The following EPHA3 variants were observed in gnomAD, a reference collection of about 807,000 sequenced individuals.
EPHA3 encodes the protein EPH receptor A3, also known as ephrin type-A receptor 3.
In EPHA3, 42 loss-of-function variants were observed where a neutral mutation model predicts 107.1. That is an observed-to-expected ratio of 0.39 (90% CI 0.31 to 0.51). EPHA3 has a LOEUF of 0.51. Among genes scored for constraint, EPHA3 ranks in the 20% least tolerant of loss-of-function variants. The pLI is 0.78. For missense variants in EPHA3, 1,183 were observed against 1,211.2 expected, an observed-to-expected ratio of 0.98 and a Z score of 0.35; for synonymous variants, 461 against 424.8, an observed-to-expected ratio of 1.09 and a Z score of -1.05.
intron 13 of EPHA3, among the ~76,000 whole-genome samples, chr3:89,433,582 A>T (rs1028838867): frequency 6.6e-6 from 1 of 152,188 alleles, no homozygotes; most frequent in Non-Finnish European, 1.5e-5. Context: ...TAGTGCATTT[A>T]CTTTGTTCAT....
chr3:89,187,587 G>A (rs1019565885), intron 2 of EPHA3, among the ~76,000 whole-genome samples: 2 of 151,864 alleles, frequency 1.3e-5, no homozygotes, highest in Admixed American at 1.3e-4. Context: ...AAATGAATTT[G>A]AGCTGATGAA....
intron 13 of EPHA3, among the ~76,000 whole-genome samples, chr3:89,437,610 A>G (rs1391282370): frequency 1.3e-5 from 2 of 152,072 alleles, no homozygotes; most frequent in African/African-American, 4.8e-5. Flanking sequence ...GCTTCTATGA[A>G]ATTTTATCTT....
chr3:89,301,839 A>T (rs1706498580), intron 3 of EPHA3, among the ~76,000 whole-genome samples: 1 of 152,074 alleles, frequency 6.6e-6, no homozygotes, highest in African/African-American at 2.4e-5. Context: ...GTGTTGATAA[A>T]CTCTGTAAAA....
intron 3 of EPHA3, among the ~76,000 whole-genome samples, chr3:89,249,852 CT>C (rs1705120027): frequency 1.3e-5 from 2 of 152,152 alleles, no homozygotes. Context: ...TAATTGTTTC[CT>C]GGCCAACATG....
At chr3:89,362,718 T>G (rs942650120) in intron 5 of EPHA3, among the ~76,000 whole-genome samples, 1 of 150,962 alleles carries the variant, frequency 6.6e-6, no homozygotes, top group African/African-American at 2.4e-5. Context: ...GATGGCAGGA[T>G]GTGTACAACA....
At chr3:89,468,711 T>C (rs1325681894) in intron 15 of EPHA3, among the ~76,000 whole-genome samples, 1 of 152,180 alleles carries the variant, frequency 6.6e-6, no homozygotes, top group East Asian at 1.9e-4. Context: ...TTTAATGCTA[T>C]TCTTATCAAT....
intron 5 of EPHA3, among the ~76,000 whole-genome samples, chr3:89,354,672 T>C (rs1338474992): frequency 6.6e-6 from 1 of 151,208 alleles, no homozygotes; most frequent in Non-Finnish European, 1.5e-5. Flanking sequence ...TTTCTGCTCC[T>C]TTTTATTATT....
chr3:89,471,459 C>T (rs539090701), intron 15 of EPHA3, among the ~76,000 whole-genome samples: 131 of 152,280 alleles, frequency 8.6e-4, no homozygotes, highest in Admixed American at 3.7e-3. Flanking sequence ...ACCTTCGCCT[C>T]CCAGGTTCAA....
chr3:89,331,876 A>G (rs1707296839), intron 3 of EPHA3, among the ~76,000 whole-genome samples: 2 of 152,122 alleles, frequency 1.3e-5, no homozygotes, highest in African/African-American at 4.8e-5. Flanking sequence ...GAGTTTTCCT[A>G]TACATTCCAA....
chr3:89,352,902 C>CAAAAAAAAAAAAAAAAAAAAAAGAAA (rs1215369952), intron 5 of EPHA3, among the ~76,000 whole-genome samples: 1 of 41,030 alleles, frequency 2.4e-5, no homozygotes, highest in Non-Finnish European at 5.1e-5. Flanking sequence ...GACTCTGTCT[C>CAAAAAAAAAAAAAAAAAAAAAAGAAA]AAAAAAAAAA....
At chr3:89,383,159 C>T (rs1708544358) in intron 5 of EPHA3, among the ~76,000 whole-genome samples, 1 of 152,162 alleles carries the variant, frequency 6.6e-6, no homozygotes, top group African/African-American at 2.4e-5. Flanking sequence ...GTGTTCTCTG[C>T]TGTTCACTTC....
chr3:89,442,053 T>A (rs1709796255), intron 13 of EPHA3, among the ~76,000 whole-genome samples: 1 of 152,056 alleles, frequency 6.6e-6, no homozygotes, highest in Admixed American at 6.6e-5. Flanking sequence ...TACTTATACC[T>A]CCATTTAATA....
At chr3:89,343,302 A>G (rs1707575518) in intron 5 of EPHA3, among the ~76,000 whole-genome samples, 2 of 152,360 alleles carry the variant, frequency 1.3e-5, no homozygotes, top group South Asian at 2.1e-4. Flanking sequence ...GCAAGTATGC[A>G]TCAATATGAC....
intron 11 of EPHA3, among the ~76,000 whole-genome samples, chr3:89,428,001 C>G (rs1709492435): frequency 6.6e-6 from 1 of 151,824 alleles, no homozygotes; most frequent in South Asian, 2.1e-4. Context: ...TAATATTACG[C>G]TGTAACAATT....
In EPHA3 at chr3:89,171,707, G is replaced by A. The variant is rs186680901; in HGVS notation, c.154-38153G>A. Among the ~76,000 whole-genome samples the A allele has an allele frequency of 1.4e-4, 21 of 152,064 alleles. No individual in the cohort carries two copies. The East Asian group carries it at 1.9e-3, about 14-fold the overall frequency. On this transcript the variant is annotated intron_variant, in intron 2 of 16. Transcript: ENST00000336596. ...CCTTGTGATGTGATTTTCTAATCAC[G>A]GGGAAAAAAAATATGATATCATCCC...
At chr3:89,415,451 T>C (rs1709227196) in intron 10 of EPHA3, among the ~76,000 whole-genome samples, 1 of 124,634 alleles carries the variant, frequency 8.0e-6, no homozygotes, top group South Asian at 2.2e-4. Context: ...TCAGAGTCAA[T>C]TAAATTTACA....
intron 3 of EPHA3, among the ~76,000 whole-genome samples, chr3:89,246,943 T>A (rs1166048995): frequency 2.0e-5 from 3 of 152,206 alleles, no homozygotes; most frequent in Non-Finnish European, 2.9e-5. Context: ...TGATGCTTTA[T>A]ACAGAACAAG....
chr3:89,475,708 A>G (rs1212145394), intron 16 of EPHA3, among the ~76,000 whole-genome samples: 2 of 152,216 alleles, frequency 1.3e-5, no homozygotes, highest in East Asian at 3.9e-4. Context: ...TCATTGCCAC[A>G]TGTCATTATC....
chr3:89,313,946 A>AT (rs1019873241), intron 3 of EPHA3, among the ~76,000 whole-genome samples: 26 of 151,958 alleles, frequency 1.7e-4, no homozygotes, highest in Admixed American at 8.6e-4. Context: ...TTAAAATTTG[A>AT]TTTTTTTAGT....
Sources: allele counts gnomAD v4.1 joint callset (sites outside exome capture counted in the v4.1 genomes callset), GRCh38; gene constraint gnomAD v4.1.1; transcripts MANE v1.5; gene names NCBI Gene and HGNC (gene_info 2026-07-23, HGNC 2026-07-21).